The following CAPN9 variants were observed in gnomAD, a reference collection of about 807,000 sequenced individuals.
The protein encoded by CAPN9 is calpain-9.
Under a neutral mutation model 92.8 loss-of-function variants are expected in CAPN9, and 81 were observed. That is an observed-to-expected ratio of 0.87 (90% confidence interval 0.73 to 1.05). The LOEUF is 1.05. CAPN9 is among the 50% of genes least tolerant of loss of function. The pLI, the probability that CAPN9 is intolerant of heterozygous loss-of-function variation, is 0.00. For missense variants in CAPN9, 848 were observed against 866.2 expected (o/e 0.98, Z 0.26); for synonymous variants, 304 against 328.0 (o/e 0.93, Z 0.79).
At chr1:230,800,773 T>C (rs1264176784) in intron 19 of CAPN9, among the ~76,000 whole-genome samples, 2 of 152,170 alleles carry the variant, frequency 1.3e-5, no homozygotes, top group Admixed American at 6.5e-5. Context: ...CCAAGCATTG[T>C]TTTTCTTTAA....
chr1:230,778,254 A>T (rs1666956320), intron 8 of CAPN9, among the ~76,000 whole-genome samples: 1 of 152,102 alleles, frequency 6.6e-6, no homozygotes, highest in Non-Finnish European at 1.5e-5. Context: ...AATGTGTCTC[A>T]AATCTGGCCA....
At chr1:230,793,736 C>A (rs979369578) in intron 17 of CAPN9, among the ~76,000 whole-genome samples, 2 of 152,224 alleles carry the variant, frequency 1.3e-5, no homozygotes, top group African/African-American at 4.8e-5. Flanking sequence ...CAGCCAGGAC[C>A]ATCTCGGGTC....
intron 17 of CAPN9, among the ~76,000 whole-genome samples, chr1:230,793,568 G>T (rs927081919): frequency 6.6e-6 from 1 of 152,200 alleles, no homozygotes; most frequent in Admixed American, 6.5e-5. Flanking sequence ...TTCCACGAGC[G>T]CTCTGCAGAC....
At chr1:230,774,739 C>CTTTT (rs747512464) in intron 8 of CAPN9, 108 bp downstream of exon 8, 68 of 386,268 alleles carry the variant, frequency 1.8e-4, no homozygotes, top group Non-Finnish European at 2.2e-4. Flanking sequence ...TTCTTTCTTT[C>CTTTT]TTTTTTTTTT....
chr1:230,779,452 A>G (rs1486440282), intron 9 of CAPN9, among the ~76,000 whole-genome samples: 1 of 152,138 alleles, frequency 6.6e-6, no homozygotes, highest in Non-Finnish European at 1.5e-5. Flanking sequence ...GCACAGTTCT[A>G]TCAGGGCCCT....
At chr1:230,778,383 T>G (rs1204892810) in intron 8 of CAPN9, among the ~76,000 whole-genome samples, 1 of 152,196 alleles carries the variant, frequency 6.6e-6, no homozygotes, top group African/African-American at 2.4e-5. Flanking sequence ...AAATCTGTTC[T>G]CAACACAGCA....
rs1226218954 is a variant in CAPN9, at chr1:230,792,913, G to A, written c.1855G>A (p.Ala619Thr). The change falls in exon 17 of 20, where the codon GCA (alanine) becomes ACA (threonine). Residue 619 changes from alanine to threonine, a missense_variant. Ala to Thr is a moderately conservative substitution (Grantham distance 58). Transcript: ENST00000271971. ...GTMSTYELRT[A>T]LKAAGFQLSS... ...CATGTCTACCTATGAACTACGGACT[G>A]CACTGAAAGCTGCAGGTAAAGAAAA... 2.5e-6 allele frequency: 4 copies of A among 1,613,258 alleles called. No homozygotes were observed. The highest frequency in any genetic ancestry group is 3.4e-6 in the Non-Finnish European group (4 of 1,179,388).
rs571717248 is a variant in CAPN9 at position 230,789,544 on chromosome 1, A to G, written c.1600-588A>G. 3.2e-3 allele frequency among the ~76,000 whole-genome samples: 479 copies of G among 148,820 alleles called. 6 individuals are homozygous for G. The highest frequency in any genetic ancestry group is 0.011 in the African/African-American group (439 of 40,550). On this transcript the variant is annotated intron_variant, in intron 13 of 19. Coordinates refer to ENST00000271971, the MANE Select transcript of CAPN9 (RefSeq NM_006615.3). ...GGTCTGAGACTCTCCATTTCTAACC[A>G]GCTTCTGGGGTGGGGGCTGCTGAGA...
At chr1:230,758,828 G>A (rs1210776417) in intron 2 of CAPN9, among the ~76,000 whole-genome samples, 2 of 152,178 alleles carry the variant, frequency 1.3e-5, no homozygotes, top group East Asian at 3.8e-4. Flanking sequence ...GACACTGTGA[G>A]GCACACACCA....
intron 1 of CAPN9, 65 bp from the exon 2 acceptor site, chr1:230,755,272 C>A: frequency 3.1e-6 from 4 of 1,300,010 alleles, no homozygotes; most frequent in Non-Finnish European, 4.4e-6. Flanking sequence ...AGACCCTGAG[C>A]CTACCCTTTC....
At chr1:230,764,247 C>T (rs1031665808) in intron 4 of CAPN9, among the ~76,000 whole-genome samples, 30 of 152,172 alleles carry the variant, frequency 2.0e-4, no homozygotes, top group Non-Finnish European at 2.2e-4. Context: ...CCAATGTGGA[C>T]GAGCATTATT....
chr1:230,776,259 A>T (rs1404339126), intron 8 of CAPN9: 1 of 152,304 alleles, frequency 6.6e-6, no homozygotes, highest in Non-Finnish European at 1.5e-5. Context: ...GGCCTCTTTT[A>T]TAATGGCACT....
chr1:230,779,784 C>T (rs747536419), intron 9 of CAPN9, among the ~76,000 whole-genome samples: 1 of 152,160 alleles, frequency 6.6e-6, no homozygotes, highest in East Asian at 1.9e-4. Flanking sequence ...CCTACTCAAA[C>T]GGCCCACCAT....
intron 18 of CAPN9, among the ~76,000 whole-genome samples, chr1:230,797,178 C>T (rs1351473151): frequency 6.6e-6 from 1 of 152,114 alleles, no homozygotes; most frequent in Non-Finnish European, 1.5e-5. Flanking sequence ...TACGCAAATT[C>T]GCCAGGTGTT....
rs1180210132 is a variant in CAPN9 at position 230,755,390 on chromosome 1, C to G, written c.267C>G (p.Ile89Met). The change falls in exon 2 of 20, where the codon ATC becomes ATG. Residue 89 changes from isoleucine (I) to methionine (M), a missense_variant. By Grantham distance (10) the Ile-to-Met change is conservative. Coordinates refer to ENST00000271971, the MANE Select transcript of CAPN9 (RefSeq NM_006615.3). ...TTGGAGGGGCCACCAGGACTGATAT[C>G]TGCCAGGGAGAGCTGGGTGAGTGTA... ...FILGGATRTDICQGELGDCWL... is the reference protein window; with the variant it reads ...FILGGATRTDMCQGELGDCWL... The G allele has an allele frequency of 2.5e-6, 4 of 1,607,552 alleles. No homozygotes were observed. The African/African-American group carries it at 5.4e-5, about 22-fold the overall frequency.
At chr1:230,789,867 T>C (rs1667861729) in intron 13 of CAPN9, among the ~76,000 whole-genome samples, 1 of 152,182 alleles carries the variant, frequency 6.6e-6, no homozygotes, top group Non-Finnish European at 1.5e-5. Context: ...TGCCTTGCCC[T>C]GCCCAGCTTT....
At chr1:230,785,323 G>A (rs1235910194) in intron 11 of CAPN9, among the ~76,000 whole-genome samples, 1 of 152,190 alleles carries the variant, frequency 6.6e-6, no homozygotes, top group Non-Finnish European at 1.5e-5. Context: ...ATATTTTGCA[G>A]TGTGAGAAGG....
At chr1:230,755,428 A>G in intron 2 of CAPN9, 22 bp downstream of exon 2, 1 of 1,581,774 alleles carries the variant, frequency 6.3e-7, no homozygotes, top group Non-Finnish European at 8.6e-7. Context: ...TGGATGGAGC[A>G]TGGCGAGAGG....
chr1:230,789,115 C>T (rs1348916226), intron 13 of CAPN9, among the ~76,000 whole-genome samples: 2 of 152,106 alleles, frequency 1.3e-5, no homozygotes, highest in Non-Finnish European at 2.9e-5. Context: ...GGCCCAGAGG[C>T]TTCAGGACGG....
Sources: gnomAD v4.1 joint callset for allele counts (sites outside exome capture counted in the v4.1 genomes callset) on GRCh38, gnomAD v4.1.1 for gene constraint, MANE v1.5 for transcripts, NCBI Gene and HGNC (gene_info 2026-07-23, HGNC 2026-07-21) for gene names.